REPS2: variants seen among roughly 807,000 people sequenced by gnomAD.
The protein encoded by REPS2 is ralBP1-associated Eps domain-containing protein 2.
Under a neutral mutation model 53.6 loss-of-function variants are expected in REPS2, and 23 were observed. That is an observed-to-expected ratio of 0.43 (90% CI 0.31 to 0.61). The LOEUF (loss-of-function observed/expected upper bound fraction) is 0.61. Among genes scored for constraint, REPS2 ranks in the 20% least tolerant of loss-of-function variants. The pLI is 0.11. For missense variants in REPS2, 446 were observed against 534.9 expected (o/e 0.83, Z 1.64); for synonymous variants, 238 against 218.6 (o/e 1.09, Z -0.78).
chrX:16,955,813 G>A (rs1343005501), intron 1 of REPS2, among the ~76,000 whole-genome samples: 2 of 111,784 alleles, frequency 1.8e-5, no homozygotes, highest in Non-Finnish European at 3.8e-5. Context: ...AATTTTGCGG[G>A]GGACACCTTA....
At chrX:17,082,048 G>A (rs191461909) in intron 13 of REPS2, among the ~76,000 whole-genome samples, 221 of 111,569 alleles carry the variant, frequency 2.0e-3, no homozygotes, top group Non-Finnish European at 3.7e-3. Context: ...TCATAAAAAG[G>A]GGTTTCTTCT....
At chrX:17,070,989 A>G (rs2062296247) in intron 11 of REPS2, among the ~76,000 whole-genome samples, 1 of 111,544 alleles carries the variant, frequency 9.0e-6, no homozygotes, top group Admixed American at 9.5e-5. Context: ...GAAGCCTGAG[A>G]AGGTGTATTT....
In REPS2 at chrX:17,012,082, A is replaced by C. The variant is rs555641409; in HGVS notation, c.397+5738A>C. Among the ~76,000 whole-genome samples the C allele has an allele frequency of 5.4e-5, 6 of 111,079 alleles. No individual in the cohort carries two copies. The South Asian group carries it at 2.3e-3, about 43-fold the overall frequency. On this transcript the variant is annotated intron_variant, in intron 2 of 17. Coordinates refer to ENST00000357277, the MANE Select transcript of REPS2 (RefSeq NM_004726.3). ...TTTCAAATTAGTAATATGCATAAACAGTACTTCAAGATGTTGGCCCGGCAT... is the reference window on the plus strand; with the variant it reads ...TTTCAAATTAGTAATATGCATAAACCGTACTTCAAGATGTTGGCCCGGCAT...
chrX:17,015,861 G>C (rs1406233165), intron 2 of REPS2, among the ~76,000 whole-genome samples: 1 of 111,686 alleles, frequency 9.0e-6, no homozygotes, highest in Non-Finnish European at 1.9e-5. Flanking sequence ...GAATAGTGCC[G>C]CAATAAACAC....
chrX:17,007,757 C>T (rs974088723), intron 2 of REPS2, among the ~76,000 whole-genome samples: 1 of 112,066 alleles, frequency 8.9e-6, no homozygotes, highest in Non-Finnish European at 1.9e-5. Flanking sequence ...AGGACAACTG[C>T]GAGTCTCTAC....
At chrX:17,070,021 T>C (rs1485180047) in intron 11 of REPS2, 28 bp downstream of exon 11, 2 of 795,691 alleles carry the variant, frequency 2.5e-6, no homozygotes, top group African/African-American at 2.2e-5. Context: ...TTGTATACTT[T>C]ATATATAATT....
chrX:17,093,202 T>TATATATATGA (rs56940345), intron 13 of REPS2, among the ~76,000 whole-genome samples: 1 of 13,157 alleles, frequency 7.6e-5, no homozygotes, highest in Non-Finnish European at 1.2e-4. Context: ...ATATATATAA[T>TATATATATGA]TTTTTTTTTG....
the REPS2 span, among the ~76,000 whole-genome samples, chrX:17,175,304 A>G: frequency 2.7e-5 from 3 of 112,607 alleles, no homozygotes; most frequent in Non-Finnish European, 5.6e-5. Context: ...CATTAAATGC[A>G]TAACCTCATT....
intron 1 of REPS2, among the ~76,000 whole-genome samples, chrX:16,972,661 C>G (rs2060908666): frequency 1.8e-5 from 2 of 111,417 alleles, no homozygotes; most frequent in Non-Finnish European, 3.8e-5. Flanking sequence ...TTTCCTTTCT[C>G]TTGTGCTTGT....
At position 17,144,471 on chromosome X, in the gene REPS2, A is replaced by G. The variant is rs745389482; in HGVS notation, c.1915-2942A>G. Among the ~76,000 whole-genome samples, 5 of 112,676 alleles carry G rather than the reference A, an allele frequency of 4.4e-5. No individual in the cohort carries two copies. In the East Asian group the frequency reaches 1.4e-3, roughly 31 times the overall value. The stretch of plus-strand genomic sequence containing the variant: ...ATTTGAGTCTTTCAGGAATTCTCCT[A>G]CGTAAAATCAAGTTGGTTCTTATTT... On this transcript the variant is annotated intron_variant, in intron 17 of 17. Transcript: ENST00000357277.
At chrX:17,062,713 A>C (rs1369779997) in intron 9 of REPS2, among the ~76,000 whole-genome samples, 181 bp downstream of exon 9, 1 of 111,715 alleles carries the variant, frequency 9.0e-6, no homozygotes, top group Admixed American at 9.5e-5. Context: ...AGATCTAGAC[A>C]CCAGATGTAT....
intron 13 of REPS2, among the ~76,000 whole-genome samples, chrX:17,102,239 G>A (rs756926927): frequency 9.1e-6 from 1 of 110,118 alleles, no homozygotes; most frequent in Admixed American, 9.8e-5. Flanking sequence ...GCACTACCAC[G>A]CCTGGCTAGT....
chrX:16,979,144 A>T (rs1433065973), intron 1 of REPS2, among the ~76,000 whole-genome samples: 1 of 111,971 alleles, frequency 8.9e-6, no homozygotes, highest in East Asian at 2.8e-4. Context: ...GCCCATAAGC[A>T]ATTCTCTAGA....
intron 14 of REPS2, among the ~76,000 whole-genome samples, chrX:17,104,994 AC>A (rs766380792): frequency 1.8e-5 from 2 of 109,360 alleles, no homozygotes; most frequent in East Asian, 5.7e-4. Context: ...TCCTCACAAA[AC>A]CCCTCTGAGG....
chrX:17,174,313 C>T, the REPS2 span, among the ~76,000 whole-genome samples: 18 of 112,185 alleles, frequency 1.6e-4, no homozygotes, highest in Non-Finnish European at 3.4e-4. Context: ...ATGCTTGGGC[C>T]CGTACTTGAA....
chrX:17,177,270 T>C, the REPS2 span, among the ~76,000 whole-genome samples: 2 of 112,301 alleles, frequency 1.8e-5, no homozygotes, highest in Admixed American at 1.9e-4. Flanking sequence ...CAGGTGAAAG[T>C]GCTCCCAAAT....
chrX:17,001,755 C>T (rs757414612), intron 1 of REPS2, among the ~76,000 whole-genome samples: 1 of 112,029 alleles, frequency 8.9e-6, no homozygotes, highest in East Asian at 2.8e-4. Context: ...ACTTACAGTT[C>T]CACATGCCTG....
chrX:17,141,138 C>T (rs907997453), intron 17 of REPS2, among the ~76,000 whole-genome samples: 5 of 111,827 alleles, frequency 4.5e-5, no homozygotes, highest in Admixed American at 9.5e-5. Context: ...ATCCAAACCC[C>T]CAAAAAGATA....
intron 17 of REPS2, among the ~76,000 whole-genome samples, chrX:17,140,104 A>C (rs1324270460): frequency 9.0e-6 from 1 of 111,524 alleles, no homozygotes; most frequent in Non-Finnish European, 1.9e-5. Flanking sequence ...GGTCCCCTTC[A>C]CAGCAAAGTT....
Sources: allele counts gnomAD v4.1 joint callset (sites outside exome capture counted in the v4.1 genomes callset), GRCh38; gene constraint gnomAD v4.1.1; transcripts MANE v1.5; gene names NCBI Gene and HGNC (gene_info 2026-07-23, HGNC 2026-07-21).